RBM20: variants seen among roughly 807,000 people sequenced by gnomAD.
RBM20 encodes RNA-binding protein 20.
Under a neutral mutation model 110.1 loss-of-function variants are expected in RBM20, and 51 were observed. That is an observed-to-expected ratio of 0.46 (90% CI 0.37 to 0.59). The LOEUF is 0.59. Ranked by LOEUF, RBM20 falls within the 20% of genes least tolerant of loss-of-function variation. The pLI is 0.00. For missense variants in RBM20, 1,512 were observed against 1,574.9 expected, an observed-to-expected ratio of 0.96 and a Z score of 0.68; for synonymous variants, 589 against 618.2, an observed-to-expected ratio of 0.95 and a Z score of 0.70.
intron 12 of RBM20, among the ~76,000 whole-genome samples, chr10:110,824,366 A>G (rs940136561): frequency 6.6e-6 from 1 of 152,152 alleles, no homozygotes; most frequent in Non-Finnish European, 1.5e-5. Context: ...TCTTTAAAGG[A>G]CCAACTTTTC....
At chr10:110,822,063 A>T in intron 11 of RBM20, 128 bp downstream of exon 11, 2 of 944,794 alleles carry the variant, frequency 2.1e-6, no homozygotes, top group Non-Finnish European at 3.3e-6. Flanking sequence ...GTGGGTGCAG[A>T]AAGTGATTTA....
intron 1 of RBM20, among the ~76,000 whole-genome samples, chr10:110,649,289 C>T (rs1861913887): frequency 1.3e-5 from 2 of 151,968 alleles, no homozygotes; most frequent in South Asian, 4.2e-4. Context: ...GTTCTTGACT[C>T]CAGTTTAAAC....
intron 5 of RBM20, among the ~76,000 whole-genome samples, chr10:110,797,004 C>T (rs1365023824): frequency 6.6e-6 from 1 of 152,172 alleles, no homozygotes; most frequent in Non-Finnish European, 1.5e-5. Flanking sequence ...ATCATGGGCT[C>T]TGTATACTTT....
At chr10:110,833,575 C>T (rs991234731) in intron 13 of RBM20, among the ~76,000 whole-genome samples, 3 of 152,004 alleles carry the variant, frequency 2.0e-5, no homozygotes, top group African/African-American at 7.3e-5. Context: ...CTTCAGGGGG[C>T]CACATAGTTC....
At chr10:110,682,776 C>T (rs1052223813) in intron 1 of RBM20, among the ~76,000 whole-genome samples, 1 of 152,172 alleles carries the variant, frequency 6.6e-6, no homozygotes, top group Non-Finnish European at 1.5e-5. Flanking sequence ...TTCAGGGGAG[C>T]TACTGTAGGA....
chr10:110,755,553 A>G (rs1046083851), intron 1 of RBM20, among the ~76,000 whole-genome samples: 6 of 152,308 alleles, frequency 3.9e-5, no homozygotes, highest in African/African-American at 1.4e-4. Context: ...TTTAATATTT[A>G]TTTACAATTT....
intron 1 of RBM20, among the ~76,000 whole-genome samples, chr10:110,678,241 C>G (rs1053473987): frequency 6.6e-6 from 1 of 152,116 alleles, no homozygotes; most frequent in Non-Finnish European, 1.5e-5. Flanking sequence ...AAAACCTAAC[C>G]AAAGAGCAAA....
intron 1 of RBM20, among the ~76,000 whole-genome samples, chr10:110,714,971 G>A (rs1301310758): frequency 6.6e-6 from 1 of 152,156 alleles, no homozygotes; most frequent in Non-Finnish European, 1.5e-5. Context: ...TTATTGCCTG[G>A]GAGCATTGGT....
chr10:110,792,157 A>ATCTG (rs909841607), intron 5 of RBM20, among the ~76,000 whole-genome samples: 1 of 151,020 alleles, frequency 6.6e-6, no homozygotes, highest in African/African-American at 2.4e-5. Flanking sequence ...CTATCTATCT[A>ATCTG]TCTATCTATC....
chr10:110,681,128 G>A (rs1862418253), intron 1 of RBM20, among the ~76,000 whole-genome samples: 1 of 152,192 alleles, frequency 6.6e-6, no homozygotes, highest in African/African-American at 2.4e-5. Context: ...GCAAACAAGG[G>A]AGAGACCTCT....
rs549756349 is a variant in RBM20, at chr10:110,767,144, T to G, written c.192-13657T>G. Reference sequence around the variant, plus strand: ...CCCCCCACCTCCCTCCCGGATGGGGTGGCTGGCCGGGCGGGGGGCTGACCC... The same window carrying G: ...CCCCCCACCTCCCTCCCGGATGGGGGGGCTGGCCGGGCGGGGGGCTGACCC... On this transcript the variant is annotated intron_variant, in intron 1 of 13. Transcript: ENST00000369519. 4.0e-5 allele frequency among the ~76,000 whole-genome samples: 3 copies of G among 74,836 alleles called. 1 individual carries two copies. The highest frequency in any genetic ancestry group is 4.7e-5 in the African/African-American group (1 of 21,246). The allele number at this position is 74,836 out of a possible 152,430, so 49.1% of individuals were successfully genotyped here.
chr10:110,704,326 G>A (rs1004956150), intron 1 of RBM20, among the ~76,000 whole-genome samples: 7 of 152,176 alleles, frequency 4.6e-5, no homozygotes, highest in Non-Finnish European at 1.5e-5. Flanking sequence ...TCCAGTTTTT[G>A]GCTATTACAA....
At chr10:110,661,585 T>C (rs1206641709) in intron 1 of RBM20, among the ~76,000 whole-genome samples, 2 of 152,178 alleles carry the variant, frequency 1.3e-5, no homozygotes, top group Non-Finnish European at 2.9e-5. Flanking sequence ...AAGAATATAT[T>C]ACTAAGGGCA....
chr10:110,649,272 G>C (rs938272117), intron 1 of RBM20, among the ~76,000 whole-genome samples: 2 of 151,336 alleles, frequency 1.3e-5, no homozygotes, highest in Non-Finnish European at 2.9e-5. Flanking sequence ...TATTTTTGTG[G>C]CTTTAAGTTC....
chr10:110,688,928 TG>T (rs1862545076), intron 1 of RBM20, among the ~76,000 whole-genome samples: 3 of 151,690 alleles, frequency 2.0e-5, no homozygotes, highest in African/African-American at 7.3e-5. Context: ...CTGTCTTTCC[TG>T]TTTTTTTTTT....
chr10:110,733,944 C>A (rs1204730127), intron 1 of RBM20, among the ~76,000 whole-genome samples: 1 of 152,174 alleles, frequency 6.6e-6, no homozygotes, highest in Non-Finnish European at 1.5e-5. Context: ...TTTAATCATG[C>A]CTGTCTTTTT....
chr10:110,790,317 A>G (rs1844468480), intron 5 of RBM20, among the ~76,000 whole-genome samples: 2 of 152,164 alleles, frequency 1.3e-5, no homozygotes, highest in Admixed American at 1.3e-4. Context: ...CCTCCCCACC[A>G]TTCCAGCTCT....
rs574775998 is a variant in RBM20 at position 110,669,727 on chromosome 10, G to T, written c.191+25082G>T. Among the ~76,000 whole-genome samples the T allele has an allele frequency of 2.0e-5, 3 of 152,368 alleles. No homozygotes were observed. In the South Asian group the frequency reaches 6.2e-4, roughly 32 times the overall value. The stretch of plus-strand genomic sequence containing the variant: ...ATGAGCCACTGTATCTGGCCTGGTT[G>T]TAGTACATTTCAAGGGACTGGCTTT... On this transcript the variant is annotated intron_variant, in intron 1 of 13. Transcript: ENST00000369519.
intron 1 of RBM20, among the ~76,000 whole-genome samples, chr10:110,660,853 G>A (rs1438551301): frequency 6.6e-6 from 1 of 152,054 alleles, no homozygotes; most frequent in East Asian, 1.9e-4. Context: ...ACCATCCCTT[G>A]CCACCATAGT....
Sources: allele counts gnomAD v4.1 joint callset (sites outside exome capture counted in the v4.1 genomes callset), GRCh38; gene constraint gnomAD v4.1.1; transcripts MANE v1.5; gene names NCBI Gene and HGNC (gene_info 2026-07-23, HGNC 2026-07-21).